SLC25A48: variants seen among roughly 807,000 people sequenced by gnomAD.
SLC25A48 encodes the protein solute carrier family 25 member 48.
A neutral mutation model predicts 32.2 loss-of-function variants in SLC25A48; 29 were observed. The ratio of observed to expected loss-of-function variants is 0.90; its 90% CI spans 0.67 to 1.23. SLC25A48 has a LOEUF of 1.23. Among genes scored for constraint, SLC25A48 ranks in the 50% most tolerant of loss-of-function variants. The pLI, the probability that SLC25A48 is intolerant of heterozygous loss-of-function variation, is 0.00. For synonymous variants in SLC25A48, 164 were observed against 172.3 expected, an observed-to-expected ratio of 0.95 and a Z score of 0.38; for missense variants, 399 against 422.7, an observed-to-expected ratio of 0.94 and a Z score of 0.49.
At chr5:135,688,707 G>T (rs528587025) in intron 3 of SLC25A48, among the ~76,000 whole-genome samples, 1 of 152,310 alleles carries the variant, frequency 6.6e-6, no homozygotes, top group East Asian at 1.9e-4. Flanking sequence ...GGCCCTGAAG[G>T]CTGGGTTGGG....
intron 3 of SLC25A48, among the ~76,000 whole-genome samples, chr5:135,788,418 A>C (rs1384919553): frequency 2.0e-5 from 3 of 146,486 alleles, no homozygotes; most frequent in African/African-American, 7.7e-5. Context: ...ATTACTCCCC[A>C]TGTGGCGGCG....
intron 3 of SLC25A48, among the ~76,000 whole-genome samples, chr5:135,809,968 C>T (rs1290396168): frequency 6.6e-6 from 1 of 152,110 alleles, no homozygotes; most frequent in Admixed American, 6.6e-5. Context: ...CTCCTATGTA[C>T]CTGGGACCAC....
At chr5:135,767,673 T>C (rs1245895329) in intron 3 of SLC25A48, among the ~76,000 whole-genome samples, 1 of 151,610 alleles carries the variant, frequency 6.6e-6, no homozygotes, top group African/African-American at 2.4e-5. Flanking sequence ...AAGGATGATA[T>C]TACTCCTATT....
Position 135,692,220 on chromosome 5 carries a change from A to C in SLC25A48, c.-521+57264A>C, listed in dbSNP as rs1754162152. The stretch of plus-strand genomic sequence containing the variant: ...GTAGTCCCACCTACTTGGGAGGCTG[A>C]GGCGGGAGAATTGCTTGAACCCAGG... On this transcript the variant is annotated intron_variant, in intron 3 of 10. Transcript: ENST00000646290. Among the ~76,000 whole-genome samples, 3 of 150,062 alleles carry C rather than the reference A, an allele frequency of 2.0e-5. No individual in the cohort carries two copies. In the South Asian group the frequency reaches 6.4e-4, roughly 32 times the overall value.
At chr5:135,665,187 A>AT (rs952971094) in intron 3 of SLC25A48, among the ~76,000 whole-genome samples, 8 of 151,872 alleles carry the variant, frequency 5.3e-5, no homozygotes, top group African/African-American at 1.7e-4. Flanking sequence ...GATTTTGAGC[A>AT]TTTTTTTCAT....
intron 3 of SLC25A48, among the ~76,000 whole-genome samples, chr5:135,657,509 A>G (rs1753282144): frequency 6.6e-6 from 1 of 152,248 alleles, no homozygotes; most frequent in South Asian, 2.1e-4. Flanking sequence ...CTTTGTGTAT[A>G]CAGAGAGTAA....
chr5:135,763,935 C>T (rs1032029212), intron 3 of SLC25A48, among the ~76,000 whole-genome samples: 1 of 152,138 alleles, frequency 6.6e-6, no homozygotes, highest in African/African-American at 2.4e-5. Context: ...TGCAGTGGCG[C>T]GATCTCAGTT....
At chr5:135,668,424 A>G (rs921899147) in intron 3 of SLC25A48, among the ~76,000 whole-genome samples, 3 of 152,358 alleles carry the variant, frequency 2.0e-5, no homozygotes, top group Admixed American at 6.5e-5. Context: ...TGCAAGCATC[A>G]GTCTAGTCAG....
intron 5 of SLC25A48, among the ~76,000 whole-genome samples, chr5:135,873,113 C>G (rs185355500): frequency 1.3e-5 from 2 of 152,292 alleles, no homozygotes; most frequent in Non-Finnish European, 2.9e-5. Flanking sequence ...CCCCATTGTC[C>G]TGGCAGAAGG....
intron 3 of SLC25A48, among the ~76,000 whole-genome samples, chr5:135,768,857 C>T (rs1756319458): frequency 6.6e-6 from 1 of 151,790 alleles, no homozygotes; most frequent in Non-Finnish European, 1.5e-5. Context: ...CCTTTGTGTA[C>T]ACCTTCCTGT....
In SLC25A48 at chr5:135,598,201, G is replaced by A. The variant is rs534103481; in HGVS notation, c.-849+18604G>A. The stretch of plus-strand genomic sequence containing the variant: ...TATTGTAGTTATGTTGGCTTTCCTG[G>A]GCAGCCTGGCTTCAGGAGGACTCAC... On this transcript the variant is annotated intron_variant, in intron 1 of 10. Transcript: ENST00000646290. Among the ~76,000 whole-genome samples, 3 of 152,194 alleles carry A rather than the reference G, an allele frequency of 2.0e-5. No homozygotes were observed. The East Asian group carries it at 5.8e-4, about 29-fold the overall frequency.
rs1581041885 is a variant in SLC25A48, at chr5:135,871,679, C to T, written c.640C>T (p.Pro214Ser). Residue 214 changes from proline to serine, a missense_variant, in exon 5 of 8, where the codon CCC (proline) becomes TCC (serine). Transcript: ENST00000681962. ...EWITPEACTG[P>S]SPCAVWLAGG... is the part of the protein sequence containing the mutation. The stretch of plus-strand genomic sequence containing the variant: ...GATCACACCTGAGGCCTGCACAGGC[C>T]CCAGCCCCTGTGCCGTGTGGCTGGC... The T allele has an allele frequency of 6.2e-7, 1 of 1,614,088 alleles. No individual in the cohort carries two copies. Among genetic ancestry groups the T allele is most frequent in the Non-Finnish European group, 8.5e-7 (1 of 1,179,958 alleles).
chr5:135,770,085 C>CGG (rs35297042), intron 3 of SLC25A48, among the ~76,000 whole-genome samples: 70 of 151,156 alleles, frequency 4.6e-4, no homozygotes, highest in South Asian at 1.0e-3. Flanking sequence ...TCCTAATAGC[C>CGG]GGGGGGGAGA....
At chr5:135,862,500 G>A (rs1193122818) in intron 4 of SLC25A48, among the ~76,000 whole-genome samples, 2 of 152,174 alleles carry the variant, frequency 1.3e-5, no homozygotes, top group Non-Finnish European at 2.9e-5. Context: ...CTGCTTTGAG[G>A]CAGACACAGT....
At chr5:135,829,937 A>G (rs576653519), upstream of SLC25A48, among the ~76,000 whole-genome samples, 1 of 152,244 alleles carries the variant, frequency 6.6e-6, no homozygotes, top group African/African-American at 2.4e-5. Context: ...CGGAGCATGC[A>G]GCACTGGGCC....
intron 1 of SLC25A48, among the ~76,000 whole-genome samples, chr5:135,613,375 C>T (rs1480252877): frequency 6.6e-6 from 1 of 152,050 alleles, no homozygotes; most frequent in Non-Finnish European, 1.5e-5. Flanking sequence ...CCCATTTTAA[C>T]AGAGTGCCTC....
chr5:135,651,828 G>A (rs958799893), intron 3 of SLC25A48, among the ~76,000 whole-genome samples: 4 of 152,192 alleles, frequency 2.6e-5, no homozygotes, highest in Non-Finnish European at 4.4e-5. Context: ...TTTATAGGTA[G>A]TTGCTAATGG....
At chr5:135,846,531 C>T (rs1759434746) in intron 2 of SLC25A48, among the ~76,000 whole-genome samples, 1 of 152,220 alleles carries the variant, frequency 6.6e-6, no homozygotes, top group Non-Finnish European at 1.5e-5. Context: ...AGCTCTGAGG[C>T]TTCAGCCACC....
chr5:135,813,400 G>A (rs1757638265), intron 4 of SLC25A48, among the ~76,000 whole-genome samples: 1 of 152,192 alleles, frequency 6.6e-6, no homozygotes, highest in South Asian at 2.1e-4. Context: ...GACAGGGCCA[G>A]AAGTGGACCC....
Sources: allele counts gnomAD v4.1 joint callset (sites outside exome capture counted in the v4.1 genomes callset), GRCh38; gene constraint gnomAD v4.1.1; transcripts MANE v1.5; gene names NCBI Gene and HGNC (gene_info 2026-07-23, HGNC 2026-07-21).